ZNF729: variants seen among roughly 807,000 people sequenced by gnomAD.
ZNF729 encodes zinc finger protein 729.
A neutral mutation model predicts 12.2 loss-of-function variants in ZNF729; 15 were observed. That is an observed-to-expected ratio of 1.23 (90% confidence interval 0.82 to 1.89). The LOEUF (loss-of-function observed/expected upper bound fraction) is 1.89. Among genes scored for constraint, ZNF729 ranks in the 40% most tolerant of loss-of-function variants. The pLI, the probability that ZNF729 is intolerant of heterozygous loss-of-function variation, is 0.00. For missense variants in ZNF729, 1,540 were observed against 1,456.7 expected (o/e 1.06, Z -0.93); for synonymous variants, 492 against 476.3 (o/e 1.03, Z -0.43).
intron 1 of ZNF729, among the ~76,000 whole-genome samples, chr19:22,291,337 A>AT (rs1456805482): frequency 6.6e-6 from 1 of 152,112 alleles, no homozygotes; most frequent in Non-Finnish European, 1.5e-5. Context: ...AAAAGTTCTG[A>AT]TAACAGACCC....
At chr19:22,307,353 G>T (rs1968391859) in intron 3 of ZNF729, among the ~76,000 whole-genome samples, 1 of 139,642 alleles carries the variant, frequency 7.2e-6, no homozygotes, top group Admixed American at 7.7e-5. Context: ...AGCTGTGCTA[G>T]TGGTGATGAA....
Position 22,315,760 on chromosome 19 carries a change from A to G in ZNF729, c.2343A>G (p.Ser781=), listed in dbSNP as rs537451468. Residue 781 remains serine, a synonymous_variant, in exon 4 of 4, where the codon TCA becomes TCG. Transcript: ENST00000601693. ...EECVKAFNSF[S]ALMKHKVIHT... The stretch of plus-strand genomic sequence containing the variant: ...GTGTCAAAGCTTTTAACAGTTTCTC[A>G]GCCCTTATGAAACATAAGGTAATTC... 6.2e-7 allele frequency: 1 copy of G among 1,609,242 alleles called. No individual in the cohort carries two copies. The highest frequency in any genetic ancestry group is 1.3e-5 in the African/African-American group (1 of 74,990).
intron 3 of ZNF729, among the ~76,000 whole-genome samples, chr19:22,307,908 ATGAG>A (rs1424641451): frequency 6.9e-6 from 1 of 144,836 alleles, no homozygotes; most frequent in African/African-American, 2.6e-5. Context: ...GTTTGGTTAC[ATGAG>A]TAAGTTCTTT....
intron 3 of ZNF729, among the ~76,000 whole-genome samples, chr19:22,308,086 G>T (rs932711241): frequency 6.6e-6 from 1 of 151,914 alleles, no homozygotes; most frequent in Non-Finnish European, 1.5e-5. Flanking sequence ...TCATAGCTTA[G>T]CTCCTACATA....
At chr19:22,289,243 T>G (rs1968121421) in intron 1 of ZNF729, among the ~76,000 whole-genome samples, 1 of 148,790 alleles carries the variant, frequency 6.7e-6, no homozygotes, top group Admixed American at 6.6e-5. Flanking sequence ...TTTTTTTTTT[T>G]GAGACCAAGT....
intron 3 of ZNF729, among the ~76,000 whole-genome samples, chr19:22,309,464 A>G (rs188296742): frequency 1.3e-5 from 2 of 152,230 alleles, no homozygotes; most frequent in East Asian, 3.9e-4. Flanking sequence ...AGAAAAGAGT[A>G]TCCTTTACCC....
intron 1 of ZNF729, among the ~76,000 whole-genome samples, chr19:22,302,213 T>C (rs1371363365): frequency 9.2e-5 from 14 of 152,304 alleles, no homozygotes; most frequent in Non-Finnish European, 1.8e-4. Context: ...AAGGAGGTCC[T>C]GAGACTCAAA....
rs772163774 is a variant in ZNF729, at chr19:22,315,189, A to T, written c.1772A>T (p.Lys591Met). The change falls in exon 4 of 4, where the codon AAG (lysine) becomes ATG (methionine). Residue 591 changes from lysine to methionine, a missense_variant. By Grantham distance (95) the Lys-to-Met change is moderately conservative (BLOSUM62 -1). Transcript: ENST00000601693. Reference protein sequence around the residue: ...FKHFSALRKHKVIHTREKLYK... With the variant: ...FKHFSALRKHMVIHTREKLYK... The stretch of plus-strand genomic sequence containing the variant: ...CATTTCTCAGCCCTCAGAAAACATA[A>T]GGTAATTCATACTAGGGAGAAATTG... 6.2e-7 allele frequency: 1 copy of T among 1,611,994 alleles called. No homozygotes were observed. The highest frequency in any genetic ancestry group is 8.5e-7 in the Non-Finnish European group (1 of 1,179,514).
chr19:22,293,816 A>C (rs1271836191), intron 1 of ZNF729, among the ~76,000 whole-genome samples: 2 of 152,050 alleles, frequency 1.3e-5, no homozygotes, highest in Non-Finnish European at 2.9e-5. Flanking sequence ...CCTTTTAAGG[A>C]GGTCGTTTGT....
At chr19:22,297,655 A>G (rs1968246343) in intron 1 of ZNF729, among the ~76,000 whole-genome samples, 1 of 151,600 alleles carries the variant, frequency 6.6e-6, no homozygotes, top group African/African-American at 2.4e-5. Flanking sequence ...ATATATATAT[A>G]TATATATATG....
chr19:22,290,253 G>C (rs191160685), intron 1 of ZNF729, among the ~76,000 whole-genome samples: 123 of 152,266 alleles, frequency 8.1e-4, no homozygotes, highest in Non-Finnish European at 1.4e-3. Context: ...ACATAGCCTT[G>C]GAAAGTTGGG....
chr19:22,287,761 G>A (rs1968100266), intron 1 of ZNF729, among the ~76,000 whole-genome samples: 1 of 150,716 alleles, frequency 6.6e-6, no homozygotes, highest in African/African-American at 2.4e-5. Flanking sequence ...GCCTATCTCT[G>A]GCTTGCAGTA....
At position 22,316,019 on chromosome 19, in the gene ZNF729, A is replaced by G. The variant is rs559443245; in HGVS notation, c.2602A>G (p.Arg868Gly). The part of the protein sequence containing the change: ...GKAFSQSSSL[R>G]KHEIIHSGEK... Reference sequence around the variant, plus strand: ...AGCTTTTAGCCAATCCTCATCCCTTAGAAAACATGAGATAATTCATAGTGG... The same window carrying G: ...AGCTTTTAGCCAATCCTCATCCCTTGGAAAACATGAGATAATTCATAGTGG... Residue 868 changes from arginine (R) to glycine (G), a missense_variant, in exon 4 of 4, where the codon AGA becomes GGA. Physicochemically the swap from Arg to Gly is moderately radical, Grantham distance 125. Coordinates refer to ENST00000601693, the MANE Select transcript of ZNF729 (RefSeq NM_001242680.2). 115 of 1,611,062 alleles carry G rather than the reference A, an allele frequency of 7.1e-5. 1 individual carries two copies. The South Asian group carries it at 1.2e-3, about 16-fold the overall frequency.
At chr19:22,306,437 C>CA (rs199851275) in intron 3 of ZNF729, among the ~76,000 whole-genome samples, 22,734 of 113,760 alleles carry the variant, frequency 0.2, 2,028 homozygotes, top group East Asian at 0.36. Flanking sequence ...GACTCCATCT[C>CA]AAAAAAAAAA....
chr19:22,313,404 A>G (rs746262465), intron 3 of ZNF729, among the ~76,000 whole-genome samples: 6 of 152,226 alleles, frequency 3.9e-5, no homozygotes, highest in Non-Finnish European at 7.3e-5. Context: ...GAAGAGCTGC[A>G]TTGGGAAACT....
intron 1 of ZNF729, among the ~76,000 whole-genome samples, chr19:22,302,935 T>A (rs1480340580): frequency 6.6e-6 from 1 of 152,068 alleles, no homozygotes; most frequent in Non-Finnish European, 1.5e-5. Context: ...CCACCATGCC[T>A]GGCTAATTTT....
rs1409497482 is a variant in ZNF729 at position 22,317,073 on chromosome 19, A to G, written c.3656A>G (p.Lys1219Arg). The change falls in exon 4 of 4, where the codon AAG becomes AGG. Residue 1219 changes from lysine (K) to arginine (R), a missense_variant. Transcript: ENST00000601693. ...ACCAGAGAGAAACCTACAAATGTGA[A>G]GAAAGTACCAAAGCTTTTAAGCAAT... ...IHTREKPTNVKKVPKLLSNPH... is the reference protein window; with the variant it reads ...IHTREKPTNVRKVPKLLSNPH... The G allele has an allele frequency of 1.9e-6, 3 of 1,604,848 alleles. No homozygotes were observed. The highest frequency in any genetic ancestry group is 2.2e-5 in the South Asian group (2 of 90,502).
rs907982912 is a variant in ZNF729, at chr19:22,303,757, G to A, written c.31-1G>A. ...TATGTGTCTTTCGTTGTGTTTTTCAGGGACCATTGACATTTAGAGATGTGA... is the reference window on the plus strand; with the variant it reads ...TATGTGTCTTTCGTTGTGTTTTTCAAGGACCATTGACATTTAGAGATGTGA... On this transcript the variant is annotated splice_acceptor_variant, in intron 1 of 3. Coordinates refer to ENST00000601693, the MANE Select transcript of ZNF729 (RefSeq NM_001242680.2). LOFTEE classifies it high-confidence loss of function. The A allele has an allele frequency of 2.6e-6, 4 of 1,552,776 alleles. No individual in the cohort carries two copies. The highest frequency in any genetic ancestry group is 3.5e-6 in the Non-Finnish European group (4 of 1,144,766).
intron 3 of ZNF729, 107 bp downstream of exon 3, chr19:22,304,890 G>C (rs569263795): frequency 2.3e-5 from 27 of 1,177,090 alleles, no homozygotes; most frequent in African/African-American, 2.2e-4. Flanking sequence ...AAAGGAAGTA[G>C]TTTCTGGGAA....
Sources: gnomAD v4.1 joint callset for allele counts (sites outside exome capture counted in the v4.1 genomes callset) on GRCh38, gnomAD v4.1.1 for gene constraint, MANE v1.5 for transcripts, NCBI Gene and HGNC (gene_info 2026-07-23, HGNC 2026-07-21) for gene names.